The following PLD1 variants were observed in gnomAD, a reference collection of about 807,000 sequenced individuals.
PLD1 encodes the protein phospholipase D1, also known as choline phosphatase 1.
PLD1 carries 112 observed loss-of-function variants against 137.1 expected under a neutral mutation model. The ratio of observed to expected loss-of-function variants is 0.82; its 90% CI spans 0.70 to 0.96. The LOEUF (loss-of-function observed/expected upper bound fraction) is 0.96. Among genes scored for constraint, PLD1 ranks in the 40% least tolerant of loss-of-function variants. PLD1 has a pLI of 0.00. For missense variants in PLD1, 1,321 were observed against 1,342.0 expected, an observed-to-expected ratio of 0.98 and a Z score of 0.24; for synonymous variants, 431 against 454.7, an observed-to-expected ratio of 0.95 and a Z score of 0.66.
chr3:171,642,900 G>A lies in PLD1; in HGVS notation c.2544-11C>T, dbSNP rs750777034. ...CCTCTGCACATGGTTCTGAAAATATGTAAAGGAGAAAATAATTACAGAGGT... is the reference window on the plus strand; with the variant it reads ...CCTCTGCACATGGTTCTGAAAATATATAAAGGAGAAAATAATTACAGAGGT... On this transcript the variant is annotated splice_polypyrimidine_tract_variant and intron_variant, in intron 22 of 26. Coordinates refer to ENST00000351298, the MANE Select transcript of PLD1 (RefSeq NM_002662.5). 13 of 1,529,886 alleles carry A rather than the reference G, an allele frequency of 8.5e-6. No homozygotes were observed. In the South Asian group the frequency reaches 1.5e-4, roughly 18 times the overall value. The allele number at this position is 1,529,886 out of a possible 1,614,324, so 94.8% of individuals were successfully genotyped here.
In PLD1 at chr3:171,605,409, G is replaced by A. The variant is rs557980910; in HGVS notation, c.2890C>T (p.Leu964Phe). The change falls in exon 26 of 27, where the codon CTT becomes TTT. Residue 964 changes from leucine to phenylalanine, a missense_variant. Leu to Phe is a conservative substitution (Grantham distance 22). Coordinates refer to ENST00000351298, the MANE Select transcript of PLD1 (RefSeq NM_002662.5). Reference protein sequence around the residue: ...GLRLQCFRVVLGYLDDPSEDI... With the variant: ...GLRLQCFRVVFGYLDDPSEDI... ...TCACTTGGGTCATCAAGATAGCCAA[G>A]GACAACCCTGAAATACAAGTGACCT... 82 of 1,601,250 alleles carry A rather than the reference G, an allele frequency of 5.1e-5. 1 individual carries two copies. In the Admixed American group the frequency reaches 1.4e-3, roughly 26 times the overall value.
intron 23 of PLD1, among the ~76,000 whole-genome samples, chr3:171,620,779 T>TATATATATATATATATTATATATATA (rs1560151285): frequency 7.8e-6 from 1 of 128,738 alleles, no homozygotes; most frequent in South Asian, 2.3e-4. Flanking sequence ...TTATATATAT[T>TATATATATATATATATTATATATATA]TTTTTTTTAA....
intron 19 of PLD1, among the ~76,000 whole-genome samples, chr3:171,672,957 T>C (rs918949812): frequency 2.0e-5 from 3 of 152,242 alleles, no homozygotes; most frequent in African/African-American, 7.2e-5. Flanking sequence ...AAAACTTCCT[T>C]CATTGATTAC....
intron 1 of PLD1, among the ~76,000 whole-genome samples, chr3:171,799,196 G>A (rs1432233405): frequency 1.3e-5 from 2 of 151,892 alleles, no homozygotes; most frequent in East Asian, 3.9e-4. Context: ...AAAATTAGCC[G>A]GGGGTGGTGG....
At position 171,686,693 on chromosome 3, in the gene PLD1, G is replaced by A. The variant is rs140003741; in HGVS notation, c.1859C>T (p.Pro620Leu). 6.1e-4 allele frequency: 950 copies of A among 1,545,336 alleles called. No individual in the cohort carries two copies. The highest frequency in any genetic ancestry group is 7.8e-4 in the Non-Finnish European group (875 of 1,122,164). Residue 620 changes from proline (P) to leucine (L), a missense_variant, in exon 16 of 27, where the codon CCT (proline) becomes CTT (leucine). By Grantham distance (98) the Pro-to-Leu change is moderately conservative (BLOSUM62 -3). Transcript: ENST00000351298. The stretch of plus-strand genomic sequence containing the variant: ...CTTCACAAATTACTTACCAGCATGA[G>A]GTCTAGTGAGTCCTTGCTCAGACTC... The part of the protein sequence containing the change: ...SSESEQGLTR[P>L]HADTGSIRSL...
At chr3:171,673,723 AGTCCCTACTGATG>A (rs1299475392) in intron 19 of PLD1, among the ~76,000 whole-genome samples, 3 of 152,236 alleles carry the variant, frequency 2.0e-5, no homozygotes, top group African/African-American at 7.2e-5. Flanking sequence ...GCATTATATA[AGTCCCTACTGATG>A]GTCCCTACTG....
chr3:171,782,475 A>G (rs973854466), intron 1 of PLD1, among the ~76,000 whole-genome samples: 2 of 152,254 alleles, frequency 1.3e-5, no homozygotes, highest in African/African-American at 4.8e-5. Flanking sequence ...TTTAGGAGTG[A>G]GTGTACTGAT....
At position 171,715,641 on chromosome 3, in the gene PLD1, C is replaced by T. The variant is rs144479091; in HGVS notation, c.759-1596G>A. On this transcript the variant is annotated intron_variant, in intron 8 of 26. Coordinates refer to ENST00000351298, the MANE Select transcript of PLD1 (RefSeq NM_002662.5). The stretch of plus-strand genomic sequence containing the variant: ...CTGTGTCTTGTAGTTGTTCTTTTTA[C>T]TAGTCATTAGATATCAAGGTAATTT... 3.3e-5 allele frequency among the ~76,000 whole-genome samples: 5 copies of T among 151,834 alleles called. 1 individual carries two copies. The highest frequency in any genetic ancestry group is 1.2e-4 in the African/African-American group (5 of 41,410).
chr3:171,689,181 TC>T (rs34883446), intron 13 of PLD1, among the ~76,000 whole-genome samples: 1 of 151,554 alleles, frequency 6.6e-6, no homozygotes, highest in East Asian at 1.9e-4. Context: ...CTGGTTCCCT[TC>T]CCCCTGTAAG....
chr3:171,750,635 AT>A lies in PLD1; in HGVS notation c.-31-12554del, dbSNP rs147258573. Among the ~76,000 whole-genome samples the A allele has an allele frequency of 8.7e-3, 1,327 of 152,314 alleles. 23 individuals are homozygous for A. Among genetic ancestry groups the A allele is most frequent in the African/African-American group, 0.031 (1,271 of 41,560 alleles). On this transcript the variant is annotated intron_variant, in intron 1 of 26. Coordinates refer to ENST00000351298, the MANE Select transcript of PLD1 (RefSeq NM_002662.5). ...TGCTGTCATGTAAAGAAAAAAGACAATTTTGAAAGCAGCCAGAGAAAAATAG... is the reference window on the plus strand; with the variant it reads ...TGCTGTCATGTAAAGAAAAAAGACAATTTGAAAGCAGCCAGAGAAAAATAG...
At chr3:171,677,764 C>G in intron 16 of PLD1, 70 bp from the exon 17 acceptor site, 1 of 1,469,084 alleles carries the variant, frequency 6.8e-7, no homozygotes, top group Non-Finnish European at 9.3e-7. Flanking sequence ...GCTCAACTCT[C>G]ATTTATTAAA....
chr3:171,756,751 A>G (rs1721060966), intron 1 of PLD1, among the ~76,000 whole-genome samples: 1 of 152,232 alleles, frequency 6.6e-6, no homozygotes, highest in South Asian at 2.1e-4. Context: ...AAAACTATAA[A>G]TAGTGGCAAA....
intron 24 of PLD1, among the ~76,000 whole-genome samples, chr3:171,613,720 G>T (rs189769914): frequency 6.6e-6 from 1 of 152,146 alleles, no homozygotes; most frequent in East Asian, 1.9e-4. Context: ...CAAGTGAGCT[G>T]AGAATGTTGA....
In PLD1 at chr3:171,612,595, T is replaced by C. The variant is rs190228195; in HGVS notation, c.2729-163A>G. ...GGTGGGGCCCTCCCTAACCCAGGGG[T>C]GAATCTTAATCAGTCTAAGCCAGCC... On this transcript the variant is annotated intron_variant, in intron 24 of 26. Transcript: ENST00000351298. This position sits in a 1 kb window ranked among gnomAD's most constrained non-coding sequence, Gnocchi z 4.1. 3.3e-5 allele frequency among the ~76,000 whole-genome samples: 5 copies of C among 152,144 alleles called. No homozygotes were observed. In the East Asian group the frequency reaches 7.7e-4, roughly 24 times the overall value.
In PLD1 at chr3:171,682,156, G is replaced by GAAAGAAAC. The variant is rs1560211471; in HGVS notation, c.1868-4463_1868-4462insGTTTCTTT. ...AGAAAGAAAGAAAGAAAGAAAGAAAGAAAGAAAGAAAAAGAAAGAAAGAAA... is the reference window on the plus strand; with the variant it reads ...AGAAAGAAAGAAAGAAAGAAAGAAAGAAAGAAACAAAGAAAGAAAAAGAAAGAAAGAAA... On this transcript the variant is annotated intron_variant, in intron 16 of 26. Coordinates refer to ENST00000351298, the MANE Select transcript of PLD1 (RefSeq NM_002662.5). 1.6e-4 allele frequency among the ~76,000 whole-genome samples: 10 copies of GAAAGAAAC among 63,870 alleles called. No individual in the cohort carries two copies. In the East Asian group the frequency reaches 2.9e-3, roughly 18 times the overall value. The allele number at this position is 63,870 out of a possible 152,430, so 41.9% of individuals were successfully genotyped here.
intron 13 of PLD1, among the ~76,000 whole-genome samples, chr3:171,690,664 T>C (rs568900473): frequency 3.9e-5 from 6 of 152,352 alleles, no homozygotes; most frequent in South Asian, 2.1e-4. Flanking sequence ...TGTCCTTCTG[T>C]TATTAATTTC....
chr3:171,738,174 T>C (rs1449703687), intron 1 of PLD1, 92 bp from the exon 2 acceptor site: 16 of 700,346 alleles, frequency 2.3e-5, no homozygotes, highest in Middle Eastern at 4.0e-4. Flanking sequence ...ATACAGCATA[T>C]GGAAACAATT....
chr3:171,774,244 A>G lies in PLD1; in HGVS notation c.-32+36155T>C, dbSNP rs539660890. Reference sequence around the variant, plus strand: ...CCCTGGTCAAATGCAAGGGCGGGGGAGACAGTGGATAAGGCCTGCACTGTG... The same window carrying G: ...CCCTGGTCAAATGCAAGGGCGGGGGGGACAGTGGATAAGGCCTGCACTGTG... On this transcript the variant is annotated intron_variant, in intron 1 of 26. Coordinates refer to ENST00000351298, the MANE Select transcript of PLD1 (RefSeq NM_002662.5). Among the ~76,000 whole-genome samples the G allele has an allele frequency of 5.5e-4, 84 of 152,208 alleles. 1 individual carries two copies. The South Asian group carries it at 0.011, about 21-fold the overall frequency.
chr3:171,639,320 T>G, intron 23 of PLD1, among the ~76,000 whole-genome samples: 1 of 136,804 alleles, frequency 7.3e-6, no homozygotes, highest in South Asian at 2.1e-4. Context: ...ATTATCTATA[T>G]ATAAATATTT....
Sources: allele counts gnomAD v4.1 joint callset (sites outside exome capture counted in the v4.1 genomes callset), GRCh38; gene constraint gnomAD v4.1.1; non-coding constraint Gnocchi (gnomAD v3.1); transcripts MANE v1.5; gene names NCBI Gene and HGNC (gene_info 2026-07-23, HGNC 2026-07-21).